Variants in CLDN11 observed in about 807,000 individuals in gnomAD.
CLDN11 encodes claudin 11.
Under a neutral mutation model 18.0 loss-of-function variants are expected in CLDN11, and 1 was observed. The ratio of observed to expected loss-of-function variants is 0.06; its 90% confidence interval spans 0.02 to 0.26. The LOEUF is 0.26. Among genes scored for constraint, CLDN11 ranks in the 10% least tolerant of loss-of-function variants. CLDN11 has a pLI of 1.00. For missense variants in CLDN11, 172 were observed against 276.6 expected (o/e 0.62, Z 2.68); for synonymous variants, 116 against 121.5 (o/e 0.96, Z 0.30).
At chr3:170,426,288 C>T (rs1738851895) in intron 2 of CLDN11, among the ~76,000 whole-genome samples, 1 of 152,194 alleles carries the variant, frequency 6.6e-6, no homozygotes, top group Non-Finnish European at 1.5e-5. Context: ...TTTATCTTCT[C>T]AGCAGTTACG....
At chr3:170,423,402 C>G in intron 2 of CLDN11, 75 bp downstream of exon 2, 1 of 1,529,888 alleles carries the variant, frequency 6.5e-7, no homozygotes, top group South Asian at 1.1e-5. Flanking sequence ...TTGCTGCCTT[C>G]TCAAGTTCAA....
rs1379881330 is a variant in CLDN11, at chr3:170,419,490, A to G, written c.226+198A>G. Among the ~76,000 whole-genome samples, 1 of 152,164 alleles carries G rather than the reference A, an allele frequency of 6.6e-6. No individual in the cohort carries two copies. The highest frequency in any genetic ancestry group is 1.5e-5 in the Non-Finnish European group (1 of 68,030). ...TCTAGGCCGCAGTATTCTTATCTGG[A>G]ATTTGAGATAATAGTGGCAATGTGG... is the stretch of plus-strand genomic sequence containing the variant. On this transcript the variant is annotated intron_variant, in intron 1 of 2. Coordinates refer to ENST00000064724, the MANE Select transcript of CLDN11 (RefSeq NM_005602.6). This position sits in a 1 kb window ranked among gnomAD's most constrained non-coding sequence, Gnocchi z 8.6.
At position 170,418,997 on chromosome 3, in the gene CLDN11, C is replaced by A. The variant is rs1159721264; in HGVS notation, c.-70C>A. 1.7e-6 allele frequency: 2 copies of A among 1,168,306 alleles called. No individual in the cohort carries two copies. The highest frequency in any genetic ancestry group is 2.5e-6 in the Non-Finnish European group (2 of 807,886). 72.4% of individuals were successfully genotyped at this position (1,168,306 alleles called of 1,614,324 possible). ...CGCGAGCGTGGGAGACGTACCTGGG[C>A]AGGCACTGTCCAGCCCAGGCCCAGG... is the stretch of plus-strand genomic sequence containing the variant. On this transcript the variant is annotated 5_prime_UTR_variant, in exon 1 of 3. Coordinates refer to ENST00000064724, the MANE Select transcript of CLDN11 (RefSeq NM_005602.6). This position sits in a 1 kb window ranked among gnomAD's most constrained non-coding sequence, Gnocchi z 4.3.
In CLDN11 at chr3:170,419,738, A is replaced by C. The variant is rs1024467538; in HGVS notation, c.226+446A>C. Among the ~76,000 whole-genome samples the C allele has an allele frequency of 6.6e-6, 1 of 152,228 alleles. No homozygotes were observed. Among genetic ancestry groups the C allele is most frequent in the African/African-American group, 2.4e-5 (1 of 41,472 alleles). Reference sequence around the variant, plus strand: ...GCGTGTAACACAAGCTGACAGGAGAATCGAACCGGCTCAGGCTGAGTTTCT... The same window carrying C: ...GCGTGTAACACAAGCTGACAGGAGACTCGAACCGGCTCAGGCTGAGTTTCT... On this transcript the variant is annotated intron_variant, in intron 1 of 2. Coordinates refer to ENST00000064724, the MANE Select transcript of CLDN11 (RefSeq NM_005602.6). This position sits in a 1 kb window ranked among gnomAD's most constrained non-coding sequence, Gnocchi z 8.6.
At position 170,432,940 on chromosome 3, in the gene CLDN11, T is replaced by C; in HGVS notation, c.*184T>C. ...CATTTCCCCCATCTTTTGGTTGCCT[T>C]AAAAGAAATCTCTAGCTCAGATAAT... On this transcript the variant is annotated 3_prime_UTR_variant, in exon 3 of 3. Transcript: ENST00000064724. 1 of 610,178 alleles carries C rather than the reference T, an allele frequency of 1.6e-6. No homozygotes were observed. Among genetic ancestry groups the C allele is most frequent in the Non-Finnish European group, 2.9e-6 (1 of 347,584 alleles). 37.8% of individuals were successfully genotyped at this position (610,178 alleles called of 1,614,324 possible).
At chr3:170,421,223 A>G in intron 1 of CLDN11, 1 of 930,968 alleles carries the variant, frequency 1.1e-6, no homozygotes, top group Non-Finnish European at 1.3e-6. Flanking sequence ...TGGAGGCAGG[A>G]ACAGTCCTCT....
chr3:170,432,810 A>G lies in CLDN11; in HGVS notation c.*54A>G. On this transcript the variant is annotated 3_prime_UTR_variant, in exon 3 of 3. Coordinates refer to ENST00000064724, the MANE Select transcript of CLDN11 (RefSeq NM_005602.6). ...CTGTAGATGCTGGGCCCAGGGCCCT[A>G]GGTTTGCTCGTCACAGTGTGGGGAA... 1.3e-6 allele frequency: 2 copies of G among 1,549,800 alleles called. No individual in the cohort carries two copies. The highest frequency in any genetic ancestry group is 3.4e-4 in the Middle Eastern group (2 of 5,932).
In CLDN11 at chr3:170,419,050, A is replaced by G. The variant is rs8192636; in HGVS notation, c.-17A>G. ...CAGCCGTGAGGGGCGAGGCACGGGGACATCCTGGCGGCCACCATGGTGGCC... is the reference window on the plus strand; with the variant it reads ...CAGCCGTGAGGGGCGAGGCACGGGGGCATCCTGGCGGCCACCATGGTGGCC... On this transcript the variant is annotated 5_prime_UTR_variant, in exon 1 of 3. Coordinates refer to ENST00000064724, the MANE Select transcript of CLDN11 (RefSeq NM_005602.6). This position sits in a 1 kb window ranked among gnomAD's most constrained non-coding sequence, Gnocchi z 8.6. 4.9e-4 allele frequency: 757 copies of G among 1,533,724 alleles called. No individual in the cohort carries two copies. The highest frequency in any genetic ancestry group is 5.9e-4 in the Non-Finnish European group (666 of 1,132,672).
At chr3:170,426,506 C>G (rs1387978131) in intron 2 of CLDN11, among the ~76,000 whole-genome samples, 1 of 152,164 alleles carries the variant, frequency 6.6e-6, no homozygotes, top group Non-Finnish European at 1.5e-5. Flanking sequence ...GAGTCAGATC[C>G]AACTGTGCTG....
At chr3:170,432,489 T>C (rs1560236335) in intron 2 of CLDN11, 35 bp from the exon 3 acceptor site, 6 of 1,608,426 alleles carry the variant, frequency 3.7e-6, no homozygotes, top group East Asian at 4.5e-5. Context: ...TGTGTGATGG[T>C]TGCGCCCAGT....
intron 2 of CLDN11, among the ~76,000 whole-genome samples, chr3:170,432,151 T>C (rs1204749112): frequency 6.6e-6 from 1 of 152,194 alleles, no homozygotes; most frequent in African/African-American, 2.4e-5. Flanking sequence ...TGCATAGACA[T>C]GTAAAGGGGT....
At chr3:170,427,085 A>C (rs370847901) in intron 2 of CLDN11, among the ~76,000 whole-genome samples, 1 of 152,152 alleles carries the variant, frequency 6.6e-6, no homozygotes, top group East Asian at 1.9e-4. Flanking sequence ...GACCTATATA[A>C]AAGTAGAGGA....
At chr3:170,421,146 TGGGGGTG>T (rs1738712183) in intron 1 of CLDN11, 1 of 96,316 alleles carries the variant, frequency 1.0e-5, no homozygotes, top group East Asian at 1.6e-3. Flanking sequence ...GTGCATACTC[TGGGGGTG>T]GGGGGGGGGT....
At chr3:170,427,484 G>A (rs2422035) in intron 2 of CLDN11, among the ~76,000 whole-genome samples, 43,361 of 152,024 alleles carry the variant, frequency 0.29, 7,412 homozygotes, top group East Asian at 0.57. Flanking sequence ...AGCAGGGCAT[G>A]GTGGCACACG....
intron 1 of CLDN11, among the ~76,000 whole-genome samples, chr3:170,422,876 G>C (rs1226890228): frequency 6.6e-6 from 1 of 152,228 alleles, no homozygotes; most frequent in Non-Finnish European, 1.5e-5. Context: ...AACTTTCTCA[G>C]GGGGATGTAA....
intron 2 of CLDN11, 132 bp from the exon 3 acceptor site, chr3:170,432,392 C>A: frequency 6.8e-7 from 1 of 1,476,008 alleles, no homozygotes; most frequent in South Asian, 1.3e-5. Flanking sequence ...GTTGAGGGAG[C>A]AGAACTGTGT....
At chr3:170,427,720 G>T (rs1738891814) in intron 2 of CLDN11, among the ~76,000 whole-genome samples, 1 of 150,372 alleles carries the variant, frequency 6.7e-6, no homozygotes, top group Non-Finnish European at 1.5e-5. Context: ...GAGGCACGAG[G>T]ATTGCTTGAA....
intron 2 of CLDN11, chr3:170,423,688 T>C (rs745891834): frequency 1.3e-4 from 25 of 198,398 alleles, no homozygotes; most frequent in Admixed American, 2.6e-4. Context: ...AATCAGAATT[T>C]TCTGGGCATC....
chr3:170,425,328 T>C (rs1738828303), intron 2 of CLDN11, among the ~76,000 whole-genome samples: 1 of 152,190 alleles, frequency 6.6e-6, no homozygotes, highest in Non-Finnish European at 1.5e-5. Flanking sequence ...TGCTCATGTT[T>C]AGAAATTCTG....
Sources: allele counts gnomAD v4.1 joint callset (sites outside exome capture counted in the v4.1 genomes callset), GRCh38; gene constraint gnomAD v4.1.1; non-coding constraint Gnocchi (gnomAD v3.1); transcripts MANE v1.5; gene names NCBI Gene and HGNC (gene_info 2026-07-23, HGNC 2026-07-21).